The following ADAM19 variants were observed in gnomAD, a reference collection of about 807,000 sequenced individuals.
ADAM19 encodes the protein disintegrin and metalloproteinase domain-containing protein 19.
ADAM19 carries 65 observed loss-of-function variants against 114.7 expected under a neutral mutation model. The ratio of observed to expected loss-of-function variants is 0.57; its 90% CI spans 0.46 to 0.70. The LOEUF is 0.70. Among genes scored for constraint, ADAM19 ranks in the 30% least tolerant of loss-of-function variants. ADAM19 has a pLI of 0.00. For missense variants in ADAM19, 1,063 were observed against 1,204.7 expected (o/e 0.88, Z 1.74); for synonymous variants, 466 against 460.5 (o/e 1.01, Z -0.15).
intron 3 of ADAM19, among the ~76,000 whole-genome samples, chr5:157,543,736 GT>G (rs1382726648): frequency 1.3e-5 from 2 of 151,908 alleles, no homozygotes; most frequent in African/African-American, 4.8e-5. Context: ...AACTGGCTAG[GT>G]GATACGGTGC....
In ADAM19 at chr5:157,488,242, A is replaced by G. The variant is rs56391369; in HGVS notation, c.2550+23T>C. The G allele has an allele frequency of 2.9e-5, 46 of 1,604,346 alleles. No individual in the cohort carries two copies. The African/African-American group carries it at 2.9e-4, about 10-fold the overall frequency. On this transcript the variant is annotated intron_variant, in intron 21 of 22. Coordinates refer to ENST00000257527, the MANE Select transcript of ADAM19 (RefSeq NM_033274.5). ...GCCTTAAAAGCAATGTTCCCAGCCC[A>G]AGGTTGCTGATTATCCACTTACCTG...
chr5:157,527,200 T>G (rs992112741), intron 5 of ADAM19, among the ~76,000 whole-genome samples: 2 of 151,982 alleles, frequency 1.3e-5, no homozygotes, highest in African/African-American at 4.8e-5. Flanking sequence ...CAAGGGAAAC[T>G]GACACTTTTT....
intron 5 of ADAM19, among the ~76,000 whole-genome samples, 171 bp from the exon 6 acceptor site, chr5:157,520,202 A>G (rs1044650199): frequency 5.9e-5 from 9 of 152,162 alleles, no homozygotes; most frequent in Non-Finnish European, 1.2e-4. Context: ...GCAAGCTCAC[A>G]CTTCCTCTCT....
intron 3 of ADAM19, among the ~76,000 whole-genome samples, chr5:157,559,123 A>G (rs1219445526): frequency 2.0e-5 from 3 of 151,164 alleles, no homozygotes; most frequent in African/African-American, 4.9e-5. Context: ...TGCCTTGACA[A>G]TTGCTGTTCC....
chr5:157,538,565 T>C (rs1189904299), intron 3 of ADAM19, among the ~76,000 whole-genome samples: 1 of 152,244 alleles, frequency 6.6e-6, no homozygotes, highest in Admixed American at 6.5e-5. Flanking sequence ...CTGTTCCTGC[T>C]ACAAGGGTTC....
rs765831235 is a variant in ADAM19 at position 157,519,869 on chromosome 5, A to G, written c.570T>C (p.Phe190=). 6.2e-7 allele frequency: 1 copy of G among 1,613,900 alleles called. No homozygotes were observed. The highest frequency in any genetic ancestry group is 1.1e-5 in the South Asian group (1 of 91,042). ...KPTTRDWALQ[F]TQQTKKRPRR... is the part of the protein sequence containing the mutation. ...GAGGTCGCTTCTTGGTCTGTTGTGT[A>G]AACTGAAGAGCCCAGTCCCTGGTGG... The change falls in exon 6 of 23, where the codon TTT becomes TTC. Residue 190 remains phenylalanine, a synonymous_variant. Coordinates refer to ENST00000257527, the MANE Select transcript of ADAM19 (RefSeq NM_033274.5).
At chr5:157,534,376 G>A (rs1311655514) in intron 4 of ADAM19, among the ~76,000 whole-genome samples, 6 of 152,208 alleles carry the variant, frequency 3.9e-5, no homozygotes, top group African/African-American at 1.4e-4. Flanking sequence ...GCTGAGGCAT[G>A]AGAACTGCTT....
In ADAM19 at chr5:157,507,116, G is replaced by A; in HGVS notation, c.930C>T (p.Thr310=). The change falls in exon 10 of 23, where the codon ACC becomes ACT. Residue 310 remains threonine, a synonymous_variant. Coordinates refer to ENST00000257527, the MANE Select transcript of ADAM19 (RefSeq NM_033274.5). The stretch of plus-strand genomic sequence containing the variant: ...TGGCCATGAGGGGGGCCAGGCCGAT[G>A]GTGGTGCCGTGGAAGGACATGCCCC... ...LITGMSFHGT[T]IGLAPLMAMC... is the part of the protein sequence containing the mutation. 1 of 1,614,102 alleles carries A rather than the reference G, an allele frequency of 6.2e-7. No homozygotes were observed. The highest frequency in any genetic ancestry group is 8.5e-7 in the Non-Finnish European group (1 of 1,179,988).
At chr5:157,547,528 T>C (rs1214184631) in intron 3 of ADAM19, among the ~76,000 whole-genome samples, 2 of 152,202 alleles carry the variant, frequency 1.3e-5, no homozygotes, top group South Asian at 2.1e-4. Flanking sequence ...TGGGGTAGCA[T>C]AGCAAGAAGG....
At chr5:157,569,764 A>G (rs890387548) in intron 2 of ADAM19, among the ~76,000 whole-genome samples, 16 of 152,172 alleles carry the variant, frequency 1.1e-4, no homozygotes, top group Non-Finnish European at 1.9e-4. Flanking sequence ...ATGTTGCCCA[A>G]TAAATCACAA....
At chr5:157,518,169 T>C (rs1025122172) in intron 7 of ADAM19, among the ~76,000 whole-genome samples, 36 of 152,236 alleles carry the variant, frequency 2.4e-4, no homozygotes, top group African/African-American at 8.4e-4. Flanking sequence ...AGAATTTCCA[T>C]AGACAATTCC....
chr5:157,496,857 G>A lies in ADAM19; in HGVS notation c.1594+37C>T, dbSNP rs554546926. Reference sequence around the variant, plus strand: ...CAGGGGAGGCTGGCTGGGAAGTGGTGGGCTGGGGAGAGCCGTGCTCCCCAG... The same window carrying A: ...CAGGGGAGGCTGGCTGGGAAGTGGTAGGCTGGGGAGAGCCGTGCTCCCCAG... On this transcript the variant is annotated intron_variant, in intron 14 of 22. Coordinates refer to ENST00000257527, the MANE Select transcript of ADAM19 (RefSeq NM_033274.5). The A allele has an allele frequency of 8.1e-5, 121 of 1,497,914 alleles. No individual in the cohort carries two copies. In the East Asian group the frequency reaches 1.9e-3, roughly 24 times the overall value. 92.8% of individuals were successfully genotyped at this position (1,497,914 alleles called of 1,614,324 possible).
intron 1 of ADAM19, among the ~76,000 whole-genome samples, chr5:157,571,490 T>C (rs1425284397): frequency 1.3e-5 from 2 of 152,034 alleles, no homozygotes; most frequent in Non-Finnish European, 2.9e-5. Context: ...GAAGTTGGTA[T>C]GAGATGTGGT....
chr5:157,532,295 G>A (rs1200418748), intron 4 of ADAM19, among the ~76,000 whole-genome samples: 2 of 152,230 alleles, frequency 1.3e-5, no homozygotes, highest in Non-Finnish European at 2.9e-5. Flanking sequence ...ATGGTCTTGT[G>A]AGAGGCAGTC....
intron 21 of ADAM19, among the ~76,000 whole-genome samples, chr5:157,482,425 A>G (rs1754785649): frequency 6.6e-6 from 1 of 152,152 alleles, no homozygotes; most frequent in African/African-American, 2.4e-5. Flanking sequence ...CCATTTGTCA[A>G]TTTTGGCTTT....
intron 15 of ADAM19, among the ~76,000 whole-genome samples, chr5:157,494,381 G>A (rs1755281574): frequency 6.6e-6 from 1 of 152,170 alleles, no homozygotes. Flanking sequence ...ATTCAAATTA[G>A]GGCATGATTA....
chr5:157,490,541 G>A (rs900261759), intron 18 of ADAM19, 87 bp from the exon 19 acceptor site: 5 of 1,466,394 alleles, frequency 3.4e-6, no homozygotes, highest in Admixed American at 3.9e-5. Context: ...TTCTTCTTCA[G>A]GCATTTGATT....
Position 157,491,718 on chromosome 5 carries a change from A to T in ADAM19, c.1992T>A (p.Cys664Ter). The T allele has an allele frequency of 6.3e-7, 1 of 1,594,794 alleles. No individual in the cohort carries two copies. The highest frequency in any genetic ancestry group is 8.6e-7 in the Non-Finnish European group (1 of 1,169,094). The change falls in exon 18 of 23, where the codon TGT becomes TGA. Residue 664 changes from cysteine (C) to a stop codon, truncating the protein, a stop_gained. Transcript: ENST00000257527. LOFTEE classifies it high-confidence loss of function. ...CGKKCNGHGV[C>*]NNNQNCHCLP... Reference sequence around the variant, plus strand: ...GGCAGTGGCAGTTCTGGTTGTTGTTACAGACCTGGAGCAAAGAAAGGGCAG... The same window carrying T: ...GGCAGTGGCAGTTCTGGTTGTTGTTTCAGACCTGGAGCAAAGAAAGGGCAG...
At chr5:157,553,155 A>G (rs1757251819) in intron 3 of ADAM19, among the ~76,000 whole-genome samples, 1 of 152,234 alleles carries the variant, frequency 6.6e-6, no homozygotes, top group Admixed American at 6.5e-5. Context: ...ATAATAATTT[A>G]ACTATACATT....
Sources: gnomAD v4.1 joint callset for allele counts (sites outside exome capture counted in the v4.1 genomes callset) on GRCh38, gnomAD v4.1.1 for gene constraint, MANE v1.5 for transcripts, NCBI Gene and HGNC (gene_info 2026-07-23, HGNC 2026-07-21) for gene names.